The following ULK4 variants were observed in gnomAD, a reference collection of about 807,000 sequenced individuals.
The protein encoded by ULK4 is unc-51 like kinase 4.
In ULK4, 133 loss-of-function variants were observed where a neutral mutation model predicts 160.6. The observed-to-expected ratio is 0.83, with a 90% CI of 0.72 to 0.96. The LOEUF is 0.96. Among genes scored for constraint, ULK4 ranks in the 40% least tolerant of loss-of-function variants. ULK4 has a pLI of 0.00. For synonymous variants in ULK4, 534 were observed against 539.8 expected, an observed-to-expected ratio of 0.99 and a Z score of 0.15; for missense variants, 1,580 against 1,499.5, an observed-to-expected ratio of 1.05 and a Z score of -0.89.
At chr3:41,911,420 G>C in intron 10 of ULK4, 34 bp from the exon 11 acceptor site, 4 of 1,610,250 alleles carry the variant, frequency 2.5e-6, no homozygotes, top group Non-Finnish European at 3.4e-6. Context: ...ATCCAGAAAA[G>C]AACAAAAATA....
At chr3:41,480,371 T>A (rs2084282479) in intron 32 of ULK4, among the ~76,000 whole-genome samples, 1 of 151,454 alleles carries the variant, frequency 6.6e-6, no homozygotes, top group Non-Finnish European at 1.5e-5. Flanking sequence ...TATAGCTTAC[T>A]TTTTTTTTCC....
In ULK4 at chr3:41,773,753, G is replaced by C. The variant is rs143359739; in HGVS notation, c.2193+15908C>G. On this transcript the variant is annotated intron_variant, in intron 21 of 36. Transcript: ENST00000301831. ...GTTCATATGGAACCAAAAAAGAGCCGGCATTGCCAAGTCAATCCTAAGCCA... is the reference window on the plus strand; with the variant it reads ...GTTCATATGGAACCAAAAAAGAGCCCGCATTGCCAAGTCAATCCTAAGCCA... Among the ~76,000 whole-genome samples the C allele has an allele frequency of 9.5e-4, 144 of 151,992 alleles. 1 individual carries two copies. Among genetic ancestry groups the C allele is most frequent in the East Asian group, 4.1e-3 (21 of 5,164 alleles).
chr3:41,859,370 G>A lies in ULK4; in HGVS notation c.1657-23399C>T, dbSNP rs576644690. 3.2e-4 allele frequency: 187 copies of A among 582,150 alleles called. 1 individual carries two copies. The highest frequency in any genetic ancestry group is 2.5e-3 in the South Asian group (182 of 72,740). The allele number at this position is 582,150 out of a possible 1,614,324, so 36.1% of individuals were successfully genotyped here. A position where few individuals can be genotyped will look rare whatever the true frequency, so the allele number is the denominator to read the frequency against. ...CCTCCTCAAGGCCAATGATGCTTCA[G>A]ATACCAGACGGCTTCATTTGTCAAC... On this transcript the variant is annotated intron_variant, in intron 17 of 36. Coordinates refer to ENST00000301831, the MANE Select transcript of ULK4 (RefSeq NM_017886.4).
chr3:41,810,109 C>CAT (rs1355543596), intron 19 of ULK4, among the ~76,000 whole-genome samples: 1 of 152,170 alleles, frequency 6.6e-6, no homozygotes, highest in African/African-American at 2.4e-5. Flanking sequence ...ATTTATATAT[C>CAT]ATATGCTGGC....
intron 33 of ULK4, among the ~76,000 whole-genome samples, chr3:41,457,026 G>T (rs1191773824): frequency 6.6e-6 from 1 of 152,188 alleles, no homozygotes; most frequent in African/African-American, 2.4e-5. Flanking sequence ...ATCGGAAATG[G>T]AGAATTTCCT....
chr3:41,782,454 C>T (rs1407016846), intron 21 of ULK4, among the ~76,000 whole-genome samples: 1 of 151,932 alleles, frequency 6.6e-6, no homozygotes, highest in East Asian at 1.9e-4. Context: ...CTGTGACTCA[C>T]CAAATTTAAA....
intron 30 of ULK4, among the ~76,000 whole-genome samples, chr3:41,646,307 G>A (rs1356971955): frequency 6.6e-6 from 1 of 152,136 alleles, no homozygotes; most frequent in African/African-American, 2.4e-5. Context: ...TTACACTTTG[G>A]CATGATTTTG....
chr3:41,361,232 T>G (rs1575467858), intron 35 of ULK4, among the ~76,000 whole-genome samples: 1 of 152,264 alleles, frequency 6.6e-6, no homozygotes, highest in Middle Eastern at 3.4e-3. Flanking sequence ...CCTTATCTGT[T>G]TCCTCAGTGA....
At chr3:41,813,163 G>A (rs997081959) in intron 19 of ULK4, among the ~76,000 whole-genome samples, 1 of 152,138 alleles carries the variant, frequency 6.6e-6, no homozygotes, top group Non-Finnish European at 1.5e-5. Context: ...AGGGCAGGTG[G>A]GGGAGGAGCA....
chr3:41,381,479 G>A (rs2081650846), intron 35 of ULK4, among the ~76,000 whole-genome samples: 1 of 152,082 alleles, frequency 6.6e-6, no homozygotes, highest in Non-Finnish European at 1.5e-5. Flanking sequence ...CTGAGCTCCT[G>A]GTTTTCTCTC....
At chr3:41,859,318 A>C (rs951007204) in intron 17 of ULK4, 1 of 589,164 alleles carries the variant, frequency 1.7e-6, no homozygotes, top group African/African-American at 1.9e-5. Flanking sequence ...CGTGACCTCA[A>C]AGACTGAGCA....
Position 41,423,048 on chromosome 3 carries a change from T to C in ULK4, c.3493-24784A>G, listed in dbSNP as rs188877410. On this transcript the variant is annotated intron_variant, in intron 34 of 36. Transcript: ENST00000301831. ...AGACTTGGAAAAGATGTCCATAATA[T>C]TGAAATAAATAAAAATAAAAGCAAG... is the stretch of plus-strand genomic sequence containing the variant. 7.9e-5 allele frequency among the ~76,000 whole-genome samples: 12 copies of C among 152,264 alleles called. No individual in the cohort carries two copies. In the East Asian group the frequency reaches 2.3e-3, roughly 29 times the overall value.
intron 35 of ULK4, among the ~76,000 whole-genome samples, chr3:41,325,234 C>A (rs957985631): frequency 6.6e-6 from 1 of 151,578 alleles, no homozygotes; most frequent in Non-Finnish European, 1.5e-5. Context: ...CACCCCTTTT[C>A]AAAAAAAATG....
chr3:41,579,572 C>T (rs562990764), intron 31 of ULK4, among the ~76,000 whole-genome samples: 8 of 147,296 alleles, frequency 5.4e-5, no homozygotes, highest in Non-Finnish European at 8.9e-5. Flanking sequence ...CGACTCACTG[C>T]AAGCTCCGCC....
chr3:41,586,296 T>G (rs1482622093), intron 31 of ULK4, among the ~76,000 whole-genome samples: 1 of 152,212 alleles, frequency 6.6e-6, no homozygotes, highest in Admixed American at 6.5e-5. Context: ...ATATGCACAT[T>G]GGAATAATAT....
At chr3:41,502,001 T>C (rs979563549) in intron 32 of ULK4, among the ~76,000 whole-genome samples, 1 of 152,240 alleles carries the variant, frequency 6.6e-6, no homozygotes, top group Non-Finnish European at 1.5e-5. Context: ...TCCAGCTTCA[T>C]CCATATTGCT....
intron 21 of ULK4, among the ~76,000 whole-genome samples, chr3:41,768,623 T>C (rs142171002): frequency 5.3e-5 from 8 of 152,232 alleles, no homozygotes; most frequent in Admixed American, 2.6e-4. Flanking sequence ...GCCAGTCATA[T>C]GAATGAGCCA....
chr3:41,643,359 A>G (rs1201308965), intron 30 of ULK4, among the ~76,000 whole-genome samples: 12 of 152,256 alleles, frequency 7.9e-5, no homozygotes, highest in East Asian at 5.8e-4. Flanking sequence ...ATCTTGAATT[A>G]ATTTTTGTAT....
At position 41,441,816 on chromosome 3, in the gene ULK4, T is replaced by C. The variant is rs141408278; in HGVS notation, c.3492+13681A>G. 1.9e-4 allele frequency among the ~76,000 whole-genome samples: 29 copies of C among 152,296 alleles called. No homozygotes were observed. The East Asian group carries it at 5.2e-3, about 27-fold the overall frequency. On this transcript the variant is annotated intron_variant, in intron 34 of 36. Transcript: ENST00000301831. ...GAAATCTTTTATTTAAGCTGCATAT[T>C]TGTCTTTTTACCCTTTTGCTTCTAA...
Sources: gnomAD v4.1 joint callset for allele counts (sites outside exome capture counted in the v4.1 genomes callset) on GRCh38, gnomAD v4.1.1 for gene constraint, MANE v1.5 for transcripts, NCBI Gene and HGNC (gene_info 2026-07-23, HGNC 2026-07-21) for gene names.